SLF2: variants seen among roughly 807,000 people sequenced by gnomAD.
The protein encoded by SLF2 is SMC5/6 complex localization factor 2.
SLF2 carries 68 observed loss-of-function variants against 124.3 expected under a neutral mutation model. That is an observed-to-expected ratio of 0.55 (90% CI 0.45 to 0.67). The LOEUF is 0.67. Among genes scored for constraint, SLF2 ranks in the 30% least tolerant of loss-of-function variants. SLF2 has a pLI of 0.00. For synonymous variants in SLF2, 480 were observed against 478.8 expected (o/e 1.00, Z -0.03); for missense variants, 1,246 against 1,373.7 (o/e 0.91, Z 1.47).
intron 3 of SLF2, 67 bp from the exon 4 acceptor site, chr10:100,918,317 G>A (rs1849459874): frequency 1.3e-5 from 13 of 992,066 alleles, no homozygotes; most frequent in Non-Finnish European, 1.8e-5. Context: ...TTAAATGTTA[G>A]GAAGAATGCC....
At chr10:100,955,680 G>A (rs1401867392) in intron 17 of SLF2, among the ~76,000 whole-genome samples, 1 of 152,190 alleles carries the variant, frequency 6.6e-6, no homozygotes, top group Non-Finnish European at 1.5e-5. Context: ...GGCTGAGGCA[G>A]GTGGATCACC....
At chr10:100,956,307 A>T (rs563947873) in intron 17 of SLF2, 144 bp from the exon 18 acceptor site, 1 of 591,714 alleles carries the variant, frequency 1.7e-6, no homozygotes, top group Non-Finnish European at 3.0e-6. Flanking sequence ...TGATACAACT[A>T]CTGTTACGTT....
chr10:100,939,995 C>G (rs1849936376), intron 11 of SLF2, among the ~76,000 whole-genome samples: 1 of 152,066 alleles, frequency 6.6e-6, no homozygotes, highest in Non-Finnish European at 1.5e-5. Context: ...TTTACCCAGC[C>G]CATCCAAAAA....
chr10:100,942,931 C>T (rs577433133), intron 11 of SLF2, among the ~76,000 whole-genome samples: 2 of 151,646 alleles, frequency 1.3e-5, no homozygotes, highest in South Asian at 2.1e-4. Context: ...ACCCCACCCA[C>T]TCTCTCATCA....
chr10:100,939,749 T>C (rs1400578837), intron 11 of SLF2, among the ~76,000 whole-genome samples: 1 of 151,002 alleles, frequency 6.6e-6, no homozygotes, highest in Non-Finnish European at 1.5e-5. Flanking sequence ...CAATACCTAT[T>C]AGAAAAATGG....
rs147824735 is a variant in SLF2 at position 100,917,234 on chromosome 10, T to C, written c.849T>C (p.Tyr283=). Residue 283 remains tyrosine, a synonymous_variant, in exon 3 of 20, where the codon TAT becomes TAC. Coordinates refer to ENST00000238961, the MANE Select transcript of SLF2 (RefSeq NM_018121.4). ...TAAAATCTAGTATAGAAAGAAAATA[T>C]AAACCAAGGCAGGAACAAAGGAAAC... ...LSLKSSIERK[Y]KPRQEQRKQN... The C allele has an allele frequency of 2.6e-4, 420 of 1,613,906 alleles. No individual in the cohort carries two copies. The highest frequency in any genetic ancestry group is 1.5e-3 in the Middle Eastern group (9 of 6,070).
chr10:100,955,146 TAGTG>T (rs1456692029), intron 17 of SLF2, among the ~76,000 whole-genome samples: 1 of 151,922 alleles, frequency 6.6e-6, no homozygotes, highest in Non-Finnish European at 1.5e-5. Context: ...TTCACCATGT[TAGTG>T]AGGATGGTCT....
At chr10:100,926,521 C>T in intron 6 of SLF2, 1 of 322,362 alleles carries the variant, frequency 3.1e-6, no homozygotes. Flanking sequence ...GGGAGGATCA[C>T]CTGAGCCCAA....
chr10:100,943,708 T>G (rs1489138672), intron 11 of SLF2: 1 of 220,128 alleles, frequency 4.5e-6, no homozygotes, highest in Admixed American at 5.9e-5. Flanking sequence ...TAGTACCATA[T>G]AAAAAGTAGC....
intron 19 of SLF2, 145 bp downstream of exon 19, chr10:100,959,641 G>T: frequency 7.7e-7 from 1 of 1,304,894 alleles, no homozygotes; most frequent in East Asian, 2.8e-5. Flanking sequence ...ATAATACATG[G>T]TTTGTAATTT....
At chr10:100,919,577 T>C (rs770946846) in intron 4 of SLF2, among the ~76,000 whole-genome samples, 19 of 152,118 alleles carry the variant, frequency 1.2e-4, no homozygotes, top group Non-Finnish European at 2.6e-4. Flanking sequence ...AACTAGAAAA[T>C]AGAAGATTAA....
chr10:100,953,671 T>G (rs778435644), intron 17 of SLF2, among the ~76,000 whole-genome samples: 16 of 151,946 alleles, frequency 1.1e-4, no homozygotes, highest in Non-Finnish European at 2.1e-4. Flanking sequence ...TTTTTTCTTT[T>G]TGAGACAGTC....
chr10:100,937,543 C>T (rs530625338), intron 10 of SLF2, 66 bp downstream of exon 10: 355 of 945,396 alleles, frequency 3.8e-4, no homozygotes, highest in Middle Eastern at 5.9e-4. Flanking sequence ...TGGTATCTTT[C>T]ACATTGCTAA....
At chr10:100,946,990 A>G in intron 13 of SLF2, 49 bp from the exon 14 acceptor site, 1 of 1,436,668 alleles carries the variant, frequency 7.0e-7, no homozygotes, top group Non-Finnish European at 9.8e-7. Flanking sequence ...TGGGTGTTTT[A>G]TTCTACTGTT....
At chr10:100,952,108 T>G (rs1179707334) in intron 17 of SLF2, among the ~76,000 whole-genome samples, 1 of 149,522 alleles carries the variant, frequency 6.7e-6, no homozygotes, top group Non-Finnish European at 1.5e-5. Flanking sequence ...GCCGGGCGTG[T>G]TGGTGCGTGC....
At chr10:100,934,822 A>T (rs1369191103) in intron 9 of SLF2, among the ~76,000 whole-genome samples, 1 of 149,974 alleles carries the variant, frequency 6.7e-6, no homozygotes, top group Non-Finnish European at 1.5e-5. Flanking sequence ...GGGTTTCACC[A>T]TGATGGCCAG....
rs546165624 is a variant in SLF2 at position 100,932,356 on chromosome 10, A to G, written c.2436+1278A>G. Among the ~76,000 whole-genome samples, 79 of 152,334 alleles carry G rather than the reference A, an allele frequency of 5.2e-4. 2 individuals are homozygous for G. The South Asian group carries it at 0.016, about 31-fold the overall frequency. ...ATTCAGGAAAAAGGAATCGTAGTAT[A>G]AAAGAGTCCTTTATAATATGTGAGT... On this transcript the variant is annotated intron_variant, in intron 9 of 19. Coordinates refer to ENST00000238961, the MANE Select transcript of SLF2 (RefSeq NM_018121.4).
chr10:100,916,009 A>G lies in SLF2; in HGVS notation c.151A>G (p.Ile51Val), dbSNP rs764328039. 4.3e-6 allele frequency: 7 copies of G among 1,611,136 alleles called. No homozygotes were observed. Among genetic ancestry groups the G allele is most frequent in the Non-Finnish European group, 5.9e-6 (7 of 1,178,262 alleles). Residue 51 changes from isoleucine to valine, a missense_variant, in exon 2 of 20, where the codon ATT (isoleucine) becomes GTT (valine). Coordinates refer to ENST00000238961, the MANE Select transcript of SLF2 (RefSeq NM_018121.4). Reference protein sequence around the residue: ...TESPGDRKQSIIDFFKPASKQ... With the variant: ...TESPGDRKQSVIDFFKPASKQ... ...TGCTTTTATTTTCAGGAAGCAGTCA[A>G]TTATAGATTTCTTCAAACCAGCTTC...
chr10:100,940,356 A>ATG (rs755304485), intron 11 of SLF2, among the ~76,000 whole-genome samples: 11 of 151,788 alleles, frequency 7.2e-5, no homozygotes, highest in African/African-American at 1.9e-4. Flanking sequence ...GAGTCTGGAA[A>ATG]TGTGTGTGTG....
Sources: gnomAD v4.1 joint callset for allele counts (sites outside exome capture counted in the v4.1 genomes callset) on GRCh38, gnomAD v4.1.1 for gene constraint, MANE v1.5 for transcripts, NCBI Gene and HGNC (gene_info 2026-07-23, HGNC 2026-07-21) for gene names.